SUMF1: variants seen among roughly 807,000 people sequenced by gnomAD.
The protein encoded by SUMF1 is formylglycine-generating enzyme.
In SUMF1, 48 loss-of-function variants were observed where a neutral mutation model predicts 47.6. That is an observed-to-expected ratio of 1.01 (90% confidence interval 0.80 to 1.28). The LOEUF is 1.28. SUMF1 is among the 50% of genes most tolerant of loss of function. The pLI is 0.00. For synonymous variants in SUMF1, 230 were observed against 192.1 expected (o/e 1.20, Z -1.63); for missense variants, 571 against 485.4 (o/e 1.18, Z -1.66).
chr3:4,072,603 G>C (rs376440443), intron 8 of SUMF1, among the ~76,000 whole-genome samples: 1 of 152,216 alleles, frequency 6.6e-6, no homozygotes, highest in East Asian at 1.9e-4. Flanking sequence ...TTAAAGGAAT[G>C]GCTAACTAGA....
chr3:4,419,840 GGAGA>G (rs1701832266), intron 4 of SUMF1, among the ~76,000 whole-genome samples: 1 of 152,236 alleles, frequency 6.6e-6, no homozygotes, highest in South Asian at 2.1e-4. Flanking sequence ...AGCCAAATGA[GGAGA>G]GAAAGAGGCC....
At chr3:4,364,110 G>A (rs1158451885) in intron 8 of SUMF1, among the ~76,000 whole-genome samples, 1 of 137,938 alleles carries the variant, frequency 7.2e-6, no homozygotes, top group Non-Finnish European at 1.6e-5. Flanking sequence ...TTGATGTGCT[G>A]CTGGATTCGG....
chr3:4,257,565 G>A (rs1696983906), intron 8 of SUMF1, among the ~76,000 whole-genome samples: 2 of 151,096 alleles, frequency 1.3e-5, no homozygotes, highest in African/African-American at 2.4e-5. Context: ...GGATGTGAAG[G>A]ACCTCTTCAA....
chr3:4,197,202 C>T (rs1695447760), intron 8 of SUMF1, among the ~76,000 whole-genome samples: 1 of 152,106 alleles, frequency 6.6e-6, no homozygotes, highest in Non-Finnish European at 1.5e-5. Flanking sequence ...CAGCCTCGAC[C>T]TCCCCAGGCT....
Position 4,293,333 on chromosome 3 carries a change from C to T in SUMF1, c.1014+82997G>A, listed in dbSNP as rs960738707. Among the ~76,000 whole-genome samples the T allele has an allele frequency of 1.2e-4, 19 of 152,258 alleles. No individual in the cohort carries two copies. The East Asian group carries it at 3.3e-3, about 26-fold the overall frequency. Reference sequence around the variant, plus strand: ...GCTCAATTTCCCAAAACACAACTTCCTTGACTTTCTATTCTGAAGCTAAAA... The same window carrying T: ...GCTCAATTTCCCAAAACACAACTTCTTTGACTTTCTATTCTGAAGCTAAAA... On this transcript the variant is annotated intron_variant and NMD_transcript_variant, in intron 8 of 12. Transcript: ENST00000448413.
intron 8 of SUMF1, among the ~76,000 whole-genome samples, chr3:4,075,239 A>C (rs1692395008): frequency 1.3e-5 from 2 of 152,168 alleles, no homozygotes; most frequent in Non-Finnish European, 2.9e-5. Flanking sequence ...CAACGACAAA[A>C]ACCACATGAT....
chr3:4,132,659 A>T (rs1319847668), intron 8 of SUMF1, among the ~76,000 whole-genome samples: 1 of 152,040 alleles, frequency 6.6e-6, no homozygotes, highest in Non-Finnish European at 1.5e-5. Flanking sequence ...GAACGCTGCC[A>T]CCAGGAGACA....
chr3:4,074,606 A>C (rs547381521), intron 8 of SUMF1, among the ~76,000 whole-genome samples: 1 of 152,242 alleles, frequency 6.6e-6, no homozygotes, highest in African/African-American at 2.4e-5. Flanking sequence ...AGACTAATAA[A>C]GAAGAAAAGA....
chr3:4,372,712 A>T (rs1700205991), intron 8 of SUMF1, among the ~76,000 whole-genome samples: 1 of 152,212 alleles, frequency 6.6e-6, no homozygotes, highest in Admixed American at 6.5e-5. Context: ...AGATTAAGTA[A>T]TTTGCCCAAG....
intron 8 of SUMF1, among the ~76,000 whole-genome samples, chr3:4,131,156 C>A (rs141785736): frequency 0.015 from 2,308 of 152,290 alleles, 30 homozygotes; most frequent in Non-Finnish European, 0.022. Flanking sequence ...CTATCATGAA[C>A]TGGGTGTTTT....
chr3:4,376,897 G>A (rs1427761293), intron 7 of SUMF1, among the ~76,000 whole-genome samples: 1 of 152,110 alleles, frequency 6.6e-6, no homozygotes, highest in East Asian at 1.9e-4. Flanking sequence ...CTGGGCTCAA[G>A]CAATCCTCCC....
chr3:4,036,594 A>G (rs1289245721), intron 9 of SUMF1, among the ~76,000 whole-genome samples: 4 of 141,544 alleles, frequency 2.8e-5, no homozygotes, highest in African/African-American at 1.1e-4. Context: ...CCTTCTTGCT[A>G]TGATCCTCAG....
chr3:4,044,987 C>A (rs976055472), intron 9 of SUMF1, among the ~76,000 whole-genome samples: 1 of 152,126 alleles, frequency 6.6e-6, no homozygotes, highest in African/African-American at 2.4e-5. Flanking sequence ...AACTTCCTAC[C>A]CTCTGCTTCT....
intron 8 of SUMF1, among the ~76,000 whole-genome samples, chr3:4,253,431 G>T (rs313672): frequency 6.6e-6 from 1 of 152,104 alleles, no homozygotes; most frequent in African/African-American, 2.4e-5. Flanking sequence ...GAAGCAGGGC[G>T]AGGCATTGCC....
At position 4,362,878 on chromosome 3, in the gene SUMF1, T is replaced by C. The variant is rs561679498; in HGVS notation, c.1015-624A>G. On this transcript the variant is annotated intron_variant, in intron 8 of 8. Coordinates refer to ENST00000272902, the MANE Select transcript of SUMF1 (RefSeq NM_182760.4). ...GCAGTACACCATCACTGAGCCACTGTACTAAAGCCTGGGTGACAGAGCAAG... is the reference window on the plus strand; with the variant it reads ...GCAGTACACCATCACTGAGCCACTGCACTAAAGCCTGGGTGACAGAGCAAG... 1.4e-4 allele frequency among the ~76,000 whole-genome samples: 22 copies of C among 152,130 alleles called. No homozygotes were observed. The East Asian group carries it at 3.9e-3, about 27-fold the overall frequency.
intron 8 of SUMF1, among the ~76,000 whole-genome samples, chr3:4,296,306 T>TAAAAA (rs10662776): frequency 7.0e-6 from 1 of 143,572 alleles, no homozygotes; most frequent in South Asian, 2.2e-4. Flanking sequence ...GCAAAATAGT[T>TAAAAA]AAAAAAAAAA....
At chr3:4,152,837 G>C (rs962614433) in intron 8 of SUMF1, among the ~76,000 whole-genome samples, 8 of 151,420 alleles carry the variant, frequency 5.3e-5, no homozygotes, top group Non-Finnish European at 1.2e-4. Flanking sequence ...GCGCTATTGA[G>C]TAATATCATT....
At chr3:4,211,229 C>CATATATATATATATATATTT (rs1479579920) in intron 8 of SUMF1, among the ~76,000 whole-genome samples, 1 of 55,556 alleles carries the variant, frequency 1.8e-5, no homozygotes, top group South Asian at 5.3e-4. Context: ...TATATATATC[C>CATATATATATATATATATTT]TATTAGTTCT....
chr3:4,189,630 G>C (rs909913361), intron 8 of SUMF1, among the ~76,000 whole-genome samples: 4 of 152,024 alleles, frequency 2.6e-5, no homozygotes. Context: ...GGTGGAGAAA[G>C]TTAAAATATA....
Sources: gnomAD v4.1 joint callset for allele counts (sites outside exome capture counted in the v4.1 genomes callset) on GRCh38, gnomAD v4.1.1 for gene constraint, MANE v1.5 for transcripts, NCBI Gene and HGNC (gene_info 2026-07-23, HGNC 2026-07-21) for gene names.